Variants in TMEM181 observed in about 807,000 individuals in gnomAD.
TMEM181 encodes transmembrane protein 181, also known as G protein-coupled receptor 178.
In TMEM181, 39 loss-of-function variants were observed where a neutral mutation model predicts 71.9. The observed-to-expected ratio is 0.54, with a 90% CI of 0.42 to 0.71. The LOEUF (loss-of-function observed/expected upper bound fraction) is 0.71. TMEM181 is among the 30% of genes least tolerant of loss of function. The pLI, the probability that TMEM181 is intolerant of heterozygous loss-of-function variation, is 0.00. For missense variants in TMEM181, 595 were observed against 583.0 expected (o/e 1.02, Z -0.21); for synonymous variants, 245 against 228.8 (o/e 1.07, Z -0.64).
intron 1 of TMEM181, among the ~76,000 whole-genome samples, chr6:158,550,471 C>A (rs1781684227): frequency 6.6e-6 from 1 of 151,858 alleles, no homozygotes; most frequent in Non-Finnish European, 1.5e-5. Flanking sequence ...TCCTGACCAA[C>A]ATGGTGAAGC....
intron 1 of TMEM181, among the ~76,000 whole-genome samples, chr6:158,573,130 AGTGCATTCTCCTCGAGTGTG>A (rs1175342373): frequency 6.6e-6 from 1 of 152,062 alleles, no homozygotes; most frequent in Non-Finnish European, 1.5e-5. Flanking sequence ...GAGCCCCCCT[AGTGCATTCTCCTCGAGTGTG>A]GGGTTGGTGT....
intron 10 of TMEM181, chr6:158,610,082 T>A: frequency 4.5e-6 from 1 of 220,180 alleles, no homozygotes; most frequent in Non-Finnish European, 9.6e-6. Flanking sequence ...CAGATCCTCG[T>A]CAGCTTGCTG....
intron 10 of TMEM181, chr6:158,610,754 T>C: frequency 3.3e-6 from 1 of 302,880 alleles, no homozygotes; most frequent in Middle Eastern, 8.6e-4. Context: ...GGGCTGCTCC[T>C]CCCAGCCTGT....
chr6:158,626,042 G>C (rs1269857151), intron 13 of TMEM181, among the ~76,000 whole-genome samples: 3 of 152,230 alleles, frequency 2.0e-5, no homozygotes, highest in African/African-American at 4.8e-5. Flanking sequence ...GCAGCGTGCA[G>C]TCACCAGCTG....
chr6:158,596,027 T>G (rs1784371889), intron 6 of TMEM181, among the ~76,000 whole-genome samples: 1 of 152,166 alleles, frequency 6.6e-6, no homozygotes, highest in African/African-American at 2.4e-5. Flanking sequence ...GTTCATGCCA[T>G]CCTCCTGCCT....
At chr6:158,596,988 TGA>T (rs1784419832) in intron 6 of TMEM181, among the ~76,000 whole-genome samples, 2 of 152,138 alleles carry the variant, frequency 1.3e-5, no homozygotes, top group Non-Finnish European at 2.9e-5. Context: ...CCTAATGTAC[TGA>T]GAGAAAATTG....
At chr6:158,577,091 G>A (rs1267856536) in intron 2 of TMEM181, among the ~76,000 whole-genome samples, 4 of 148,876 alleles carry the variant, frequency 2.7e-5, no homozygotes, top group Non-Finnish European at 5.9e-5. Context: ...AAGTCACAAG[G>A]CAAACAATGA....
At chr6:158,577,146 C>T (rs1266661479) in intron 2 of TMEM181, among the ~76,000 whole-genome samples, 1 of 151,418 alleles carries the variant, frequency 6.6e-6, no homozygotes, top group African/African-American at 2.4e-5. Context: ...CAGAATCTGT[C>T]TCTGAGTAAG....
intron 10 of TMEM181, among the ~76,000 whole-genome samples, chr6:158,619,174 T>G (rs945296283): frequency 6.6e-6 from 1 of 152,242 alleles, no homozygotes; most frequent in Non-Finnish European, 1.5e-5. Context: ...CCATATTTCT[T>G]GGAGGCTTTG....
intron 3 of TMEM181, among the ~76,000 whole-genome samples, chr6:158,581,744 ACT>A (rs1403885935): frequency 2.3e-5 from 2 of 88,490 alleles, no homozygotes; most frequent in East Asian, 3.5e-4. Context: ...ACAGAGTGAG[ACT>A]CTGTCTCAAA....
chr6:158,596,086 TA>T lies in TMEM181; in HGVS notation c.492+6306del, dbSNP rs370246917. Reference sequence around the variant, plus strand: ...ACAGGTGCCCACCACCACGCCTGGCTAATTTTTTGTATTTTTGTAGAGACAG... The same window carrying T: ...ACAGGTGCCCACCACCACGCCTGGCTATTTTTTGTATTTTTGTAGAGACAG... On this transcript the variant is annotated intron_variant, in intron 6 of 16. Coordinates refer to ENST00000684151, the MANE Select transcript of TMEM181 (RefSeq NM_001376852.1). Among the ~76,000 whole-genome samples, 62 of 152,168 alleles carry T rather than the reference TA, an allele frequency of 4.1e-4. No homozygotes were observed. In the East Asian group the frequency reaches 0.012, roughly 29 times the overall value.
At chr6:158,562,122 G>A (rs1782214205) in intron 1 of TMEM181, among the ~76,000 whole-genome samples, 1 of 152,174 alleles carries the variant, frequency 6.6e-6, no homozygotes, top group South Asian at 2.1e-4. Flanking sequence ...CCGTCCCCCT[G>A]CAGACCCTGG....
chr6:158,595,410 G>A (rs1047238180), intron 6 of TMEM181, among the ~76,000 whole-genome samples: 11 of 152,236 alleles, frequency 7.2e-5, no homozygotes, highest in African/African-American at 2.4e-4. Context: ...GGCAGGCAGA[G>A]CCCTTGCCCC....
At chr6:158,554,286 A>C (rs1008092855) in intron 1 of TMEM181, among the ~76,000 whole-genome samples, 7 of 152,052 alleles carry the variant, frequency 4.6e-5, no homozygotes, top group South Asian at 2.1e-4. Context: ...AGGTTTCACC[A>C]TGTCGGTCAG....
chr6:158,553,052 G>GT (rs1272126006), intron 1 of TMEM181, among the ~76,000 whole-genome samples: 1 of 152,044 alleles, frequency 6.6e-6, no homozygotes, highest in Non-Finnish European at 1.5e-5. Flanking sequence ...GCCGGGTGTG[G>GT]TGGTGTGTGC....
rs548814066 is a variant in TMEM181, at chr6:158,605,050, G to GT, written c.493-215dup. ...AAGTGATTGAACCTGGGAGGCGGAG[G>GT]TTGCAGTGAGCGAAGATTGCGCCAC... On this transcript the variant is annotated intron_variant, in intron 6 of 16. Transcript: ENST00000684151. Among the ~76,000 whole-genome samples the GT allele has an allele frequency of 3.8e-4, 58 of 151,012 alleles. 1 individual carries two copies. The highest frequency in any genetic ancestry group is 3.1e-3 in the Admixed American group (47 of 15,126).
intron 1 of TMEM181, among the ~76,000 whole-genome samples, chr6:158,540,244 A>G (rs1781292144): frequency 1.3e-5 from 2 of 152,228 alleles, no homozygotes; most frequent in African/African-American, 4.8e-5. Flanking sequence ...TAACAAGGAC[A>G]TGGAATGTTC....
At chr6:158,590,287 G>A (rs1401626172) in intron 6 of TMEM181, among the ~76,000 whole-genome samples, 1 of 151,888 alleles carries the variant, frequency 6.6e-6, no homozygotes, top group Admixed American at 6.6e-5. Context: ...ATTGACTCAC[G>A]TGATTTTGTT....
chr6:158,589,814 G>T, intron 6 of TMEM181, 32 bp downstream of exon 6: 1 of 1,444,666 alleles, frequency 6.9e-7, no homozygotes, highest in South Asian at 1.2e-5. Context: ...ACGTTTCCAT[G>T]GCTCATGTTC....
Sources: gnomAD v4.1 joint callset for allele counts (sites outside exome capture counted in the v4.1 genomes callset) on GRCh38, gnomAD v4.1.1 for gene constraint, MANE v1.5 for transcripts, NCBI Gene and HGNC (gene_info 2026-07-23, HGNC 2026-07-21) for gene names.